Variants in ST3GAL3 observed in about 807,000 individuals in gnomAD.
The protein encoded by ST3GAL3 is CMP-N-acetylneuraminate-beta-1,4-galactoside alpha-2,3-sialyltransferase.
Under a neutral mutation model 50.1 loss-of-function variants are expected in ST3GAL3, and 21 were observed. The ratio of observed to expected loss-of-function variants is 0.42; its 90% CI spans 0.30 to 0.60. The LOEUF (loss-of-function observed/expected upper bound fraction) is 0.60, where lower values mean the gene tolerates loss of function less well. Ranked by LOEUF, ST3GAL3 falls within the 20% of genes least tolerant of loss-of-function variation. The probability of loss-of-function intolerance (pLI) is 0.19; values close to 1 mark genes in which losing one functional copy is unlikely to be tolerated. For missense variants in ST3GAL3, 353 were observed against 489.4 expected (o/e 0.72, Z 2.63); for synonymous variants, 183 against 190.0 (o/e 0.96, Z 0.30).
chr1:43,920,360 C>T (rs1200527350), intron 9 of ST3GAL3, 44 bp from the exon 10 acceptor site: 2 of 1,613,892 alleles, frequency 1.2e-6, no homozygotes, highest in South Asian at 2.2e-5. Flanking sequence ...AGGCTCATCC[C>T]TTGCTGTGTG....
intron 6 of ST3GAL3, among the ~76,000 whole-genome samples, chr1:43,895,902 A>G (rs1359464519): frequency 6.6e-6 from 1 of 152,196 alleles, no homozygotes; most frequent in Non-Finnish European, 1.5e-5. Flanking sequence ...AGCATCTGCT[A>G]ATGTGTGCTC....
At chr1:43,767,603 C>G (rs574458214) in intron 2 of ST3GAL3, among the ~76,000 whole-genome samples, 1 of 142,422 alleles carries the variant, frequency 7.0e-6, no homozygotes, top group South Asian at 2.2e-4. Flanking sequence ...TGTAAATAAT[C>G]ATTGGGTCAA....
At chr1:43,765,549 C>A (rs2154125905) in intron 2 of ST3GAL3, among the ~76,000 whole-genome samples, 1 of 152,256 alleles carries the variant, frequency 6.6e-6, no homozygotes, top group African/African-American at 2.4e-5. Flanking sequence ...AGGTTCCCCA[C>A]ACTTAAAATA....
intron 5 of ST3GAL3, among the ~76,000 whole-genome samples, chr1:43,884,987 T>A (rs2075740633): frequency 6.6e-6 from 1 of 152,114 alleles, no homozygotes; most frequent in African/African-American, 2.4e-5. Flanking sequence ...TTCTTGCCAG[T>A]CTGTGGATAC....
intron 5 of ST3GAL3, among the ~76,000 whole-genome samples, chr1:43,872,292 A>C: frequency 1.6e-5 from 1 of 61,858 alleles, no homozygotes; most frequent in Non-Finnish European, 3.1e-5. Flanking sequence ...GGGACGGAGG[A>C]GAGGGTGTGT....
In ST3GAL3 at chr1:43,746,304, C is replaced by T. The variant is rs76573919; in HGVS notation, c.118+9924C>T. The stretch of plus-strand genomic sequence containing the variant: ...CAATTCATAGAGACAGAAAGTAAAA[C>T]ATGGCTGCCGGAGACTGGAACAGAG... On this transcript the variant is annotated intron_variant, in intron 2 of 11. Coordinates refer to ENST00000347631, the MANE Select transcript of ST3GAL3 (RefSeq NM_006279.5). Among the ~76,000 whole-genome samples, 253 of 152,260 alleles carry T rather than the reference C, an allele frequency of 1.7e-3. 3 individuals carry two copies. In the East Asian group the frequency reaches 0.044, roughly 27 times the overall value.
chr1:43,898,152 G>C, intron 6 of ST3GAL3, 83 bp from the exon 7 acceptor site: 1 of 1,462,230 alleles, frequency 6.8e-7, no homozygotes, highest in Non-Finnish European at 9.5e-7. Context: ...CTAGGGACTT[G>C]TGTCTTCCAG....
intron 1 of ST3GAL3, among the ~76,000 whole-genome samples, chr1:43,732,453 G>T (rs77702829): frequency 2.6e-5 from 4 of 152,204 alleles, no homozygotes; most frequent in African/African-American, 9.6e-5. Context: ...CTGGGCTCCA[G>T]TGACACCCTT....
chr1:43,772,169 C>G, intron 2 of ST3GAL3: 1 of 396,282 alleles, frequency 2.5e-6, no homozygotes, highest in Non-Finnish European at 4.4e-6. Flanking sequence ...CCTGCCTCAG[C>G]CTCCCCAGTA....
chr1:43,903,020 G>C (rs1171796567), intron 9 of ST3GAL3, among the ~76,000 whole-genome samples: 1 of 152,228 alleles, frequency 6.6e-6, no homozygotes, highest in Non-Finnish European at 1.5e-5. Flanking sequence ...ACAAAAGAAG[G>C]CCTCTTGGAG....
intron 6 of ST3GAL3, 107 bp downstream of exon 6, chr1:43,894,584 T>C: frequency 1.0e-6 from 1 of 968,010 alleles, no homozygotes; most frequent in Non-Finnish European, 1.7e-6. Flanking sequence ...GAATCCACCC[T>C]TCCTCTACTC....
At chr1:43,732,366 G>A (rs1397804298) in intron 1 of ST3GAL3, among the ~76,000 whole-genome samples, 1 of 152,194 alleles carries the variant, frequency 6.6e-6, no homozygotes, top group African/African-American at 2.4e-5. Context: ...CCCTTGCCAT[G>A]GTTCTAGTAG....
intron 9 of ST3GAL3, chr1:43,919,961 C>A: frequency 3.0e-6 from 1 of 329,468 alleles, no homozygotes. Context: ...ATGGAGAGAG[C>A]CAGGAGAGAG....
intron 1 of ST3GAL3, among the ~76,000 whole-genome samples, chr1:43,717,468 A>G (rs1263621924): frequency 1.3e-5 from 2 of 151,534 alleles, no homozygotes; most frequent in East Asian, 1.9e-4. Flanking sequence ...GAAAGGGAAC[A>G]TTTATATTTT....
chr1:43,718,422 C>G (rs1668560925), intron 1 of ST3GAL3, among the ~76,000 whole-genome samples: 1 of 151,840 alleles, frequency 6.6e-6, no homozygotes, highest in South Asian at 2.1e-4. Context: ...ATCTCCCGAT[C>G]TCATGATCCG....
intron 3 of ST3GAL3, among the ~76,000 whole-genome samples, chr1:43,807,941 G>T (rs557857679): frequency 1.3e-5 from 2 of 152,238 alleles, no homozygotes; most frequent in South Asian, 4.1e-4. Flanking sequence ...ACTCTAGGGG[G>T]TGTGGTTTAG....
intron 2 of ST3GAL3, among the ~76,000 whole-genome samples, chr1:43,753,829 A>C (rs1687061280): frequency 1.3e-5 from 2 of 152,070 alleles, no homozygotes; most frequent in African/African-American, 4.8e-5. Flanking sequence ...CTGGGTTAGG[A>C]GGGCTGCAGC....
At chr1:43,915,226 C>T (rs969216237) in intron 9 of ST3GAL3, among the ~76,000 whole-genome samples, 2 of 152,130 alleles carry the variant, frequency 1.3e-5, no homozygotes, top group Non-Finnish European at 2.9e-5. Flanking sequence ...GGTCACTGGG[C>T]GCCCTGGGTG....
chr1:43,857,567 CT>C (rs879313134), intron 5 of ST3GAL3, among the ~76,000 whole-genome samples: 1 of 63,978 alleles, frequency 1.6e-5, no homozygotes, highest in Non-Finnish European at 4.2e-5. Flanking sequence ...TTCCTTCCTT[CT>C]TTCTTTCCTT....
Sources: allele counts gnomAD v4.1 joint callset (sites outside exome capture counted in the v4.1 genomes callset), GRCh38; gene constraint gnomAD v4.1.1; transcripts MANE v1.5; gene names NCBI Gene and HGNC (gene_info 2026-07-23, HGNC 2026-07-21).